The following NLRP9 variants were observed in gnomAD, a reference collection of about 807,000 sequenced individuals.
The protein encoded by NLRP9 is NACHT, LRR and PYD domains-containing protein 9.
Under a neutral mutation model 83.1 loss-of-function variants are expected in NLRP9, and 88 were observed. The ratio of observed to expected loss-of-function variants is 1.06; its 90% CI spans 0.89 to 1.26. The LOEUF is 1.26. Among genes scored for constraint, NLRP9 ranks in the 50% most tolerant of loss-of-function variants. The pLI is 0.00. For synonymous variants in NLRP9, 521 were observed against 447.6 expected (o/e 1.16, Z -2.07); for missense variants, 1,308 against 1,179.3 (o/e 1.11, Z -1.60).
chr19:55,716,577 A>G, intron 5 of NLRP9, 151 bp downstream of exon 5: 1 of 625,960 alleles, frequency 1.6e-6, no homozygotes, highest in Non-Finnish European at 2.8e-6. Flanking sequence ...TTTACTGATG[A>G]GCAACTGAGG....
intron 8 of NLRP9, 120 bp from the exon 9 acceptor site, chr19:55,709,164 A>G: frequency 1.6e-6 from 1 of 634,982 alleles, no homozygotes; most frequent in East Asian, 3.4e-5. Context: ...TCACTGGGAG[A>G]ATTGTACTGA....
chr19:55,729,383 C>G (rs1263668965), intron 3 of NLRP9, among the ~76,000 whole-genome samples: 1 of 152,050 alleles, frequency 6.6e-6, no homozygotes, highest in African/African-American at 2.4e-5. Context: ...TATCCCTTCC[C>G]TCTCCCCCCA....
intron 3 of NLRP9, among the ~76,000 whole-genome samples, chr19:55,725,711 G>A (rs1172226642): frequency 6.6e-6 from 1 of 152,126 alleles, no homozygotes; most frequent in Non-Finnish European, 1.5e-5. Context: ...CCACTAACAG[G>A]TGGAAGTGCT....
chr19:55,716,349 C>G (rs904286328), intron 5 of NLRP9, among the ~76,000 whole-genome samples: 4 of 150,650 alleles, frequency 2.7e-5, no homozygotes, highest in African/African-American at 9.8e-5. Context: ...ACCTCCACCT[C>G]CTGGGTTCAA....
At chr19:55,730,646 C>G (rs371148795) in intron 2 of NLRP9, among the ~76,000 whole-genome samples, 5 of 152,078 alleles carry the variant, frequency 3.3e-5, no homozygotes, top group African/African-American at 9.7e-5. Flanking sequence ...CCTTAGCAAA[C>G]GAATGCAGGG....
intron 5 of NLRP9, among the ~76,000 whole-genome samples, chr19:55,716,121 T>G (rs1987999290): frequency 6.6e-6 from 1 of 152,218 alleles, no homozygotes; most frequent in Admixed American, 6.6e-5. Context: ...GAGTTGATTT[T>G]AAATGTTCTC....
intron 2 of NLRP9, among the ~76,000 whole-genome samples, chr19:55,730,474 A>C (rs1988540383): frequency 6.6e-6 from 1 of 151,842 alleles, no homozygotes; most frequent in African/African-American, 2.4e-5. Flanking sequence ...AAAAAGGAGC[A>C]CTATTTACAA....
chr19:55,712,068 G>GC lies in NLRP9; in HGVS notation c.2673-99dup, dbSNP rs1237676853. The GC allele has an allele frequency of 8.1e-6, 10 of 1,230,798 alleles. No individual in the cohort carries two copies. The Admixed American group carries it at 1.4e-4, about 17-fold the overall frequency. 76.2% of individuals were successfully genotyped at this position (1,230,798 alleles called of 1,614,324 possible). ...CTAATTACACACCTCCCGGCAGGAC[G>GC]CTCTGCTGTCTAGACCCGGGCTTCT... On this transcript the variant is annotated intron_variant, in intron 7 of 8. Transcript: ENST00000332836.
At chr19:55,719,019 TGA>T (rs1293492484) in intron 4 of NLRP9, among the ~76,000 whole-genome samples, 6 of 152,152 alleles carry the variant, frequency 3.9e-5, no homozygotes, top group South Asian at 4.1e-4. Context: ...TTAAATTAGG[TGA>T]GAGTCAGATC....
chr19:55,738,285 G>C lies in NLRP9; in HGVS notation c.90C>G (p.Leu30=). ...KEEFWKFKEL[L]KQPLEKFELK... ...GTTCAAATTTCTCCAAAGGTTGTTT[G>C]AGGAGCTCCTTAAATTTCCAAAACT... Residue 30 remains leucine, a synonymous_variant, in exon 1 of 9, where the codon CTC becomes CTG. Coordinates refer to ENST00000332836, the MANE Select transcript of NLRP9 (RefSeq NM_176820.4). The C allele has an allele frequency of 6.2e-7, 1 of 1,614,066 alleles. No individual in the cohort carries two copies. The highest frequency in any genetic ancestry group is 8.5e-7 in the Non-Finnish European group (1 of 1,179,976).
chr19:55,729,585 A>G (rs1194184221), intron 3 of NLRP9, among the ~76,000 whole-genome samples: 1 of 152,016 alleles, frequency 6.6e-6, no homozygotes, highest in Non-Finnish European at 1.5e-5. Context: ...TTATGGCTGC[A>G]TAGTATTCCA....
At chr19:55,730,246 G>C (rs1988533951) in intron 2 of NLRP9, among the ~76,000 whole-genome samples, 1 of 152,156 alleles carries the variant, frequency 6.6e-6, no homozygotes, top group African/African-American at 2.4e-5. Flanking sequence ...TTGAGCTTAG[G>C]AGTTTGAGGA....
At position 55,709,063 on chromosome 19, in the gene NLRP9, AGTT is replaced by A; in HGVS notation, c.2844-22_2844-20del. On this transcript the variant is annotated intron_variant, in intron 8 of 8. Coordinates refer to ENST00000332836, the MANE Select transcript of NLRP9 (RefSeq NM_176820.4). ...GTGCAGCCTGGGAAAATAGAAATAAAGTTTTTTTTTTTGTTTTTCATTTTTACA... is the reference window on the plus strand; with the variant it reads ...GTGCAGCCTGGGAAAATAGAAATAAATTTTTTTTTGTTTTTCATTTTTACA... 1.3e-6 allele frequency: 2 copies of A among 1,547,222 alleles called. No individual in the cohort carries two copies. Among genetic ancestry groups the A allele is most frequent in the Non-Finnish European group, 1.7e-6 (2 of 1,156,058 alleles).
Position 55,733,163 on chromosome 19 carries a change from A to C in NLRP9, c.668T>G (p.Ile223Ser). ...CTCAAAGCCATCCATGATGAACAGAATTCTCTCTGGCTGGGAAAAAATGTC... is the reference window on the plus strand; with the variant it reads ...CTCAAAGCCATCCATGATGAACAGACTTCTCTCTGGCTGGGAAAAAATGTC... The part of the protein sequence containing the change: ...IEDIFSQPER[I>S]LFIMDGFEQL... The change falls in exon 2 of 9, where the codon ATT (isoleucine) becomes AGT (serine). Residue 223 changes from isoleucine to serine, a missense_variant. By Grantham distance (142) the Ile-to-Ser change is moderately radical. Coordinates refer to ENST00000332836, the MANE Select transcript of NLRP9 (RefSeq NM_176820.4). 6.2e-7 allele frequency: 1 copy of C among 1,614,132 alleles called. No homozygotes were observed. The highest frequency in any genetic ancestry group is 1.1e-5 in the South Asian group (1 of 91,062).
At chr19:55,720,762 G>A (rs1193224877) in intron 4 of NLRP9, among the ~76,000 whole-genome samples, 1 of 152,174 alleles carries the variant, frequency 6.6e-6, no homozygotes, top group East Asian at 1.9e-4. Flanking sequence ...TATTTGCAAT[G>A]CATGTATTTG....
intron 6 of NLRP9, among the ~76,000 whole-genome samples, chr19:55,713,411 CGT>C (rs1353223665): frequency 6.6e-6 from 1 of 151,712 alleles, no homozygotes; most frequent in Non-Finnish European, 1.5e-5. Context: ...TGGATAGGCA[CGT>C]GTCTACCCAC....
chr19:55,723,092 C>A (rs558674529), intron 4 of NLRP9, among the ~76,000 whole-genome samples: 2 of 152,058 alleles, frequency 1.3e-5, no homozygotes, highest in East Asian at 1.9e-4. Flanking sequence ...ACATGTATAC[C>A]TATGTAACAA....
chr19:55,708,972 C>G lies in NLRP9; in HGVS notation c.2916G>C (p.Leu972=), dbSNP rs753313511. The change falls in exon 9 of 9, where the codon CTG becomes CTC. Residue 972 remains leucine (L), a synonymous_variant. Coordinates refer to ENST00000332836, the MANE Select transcript of NLRP9 (RefSeq NM_176820.4). ...LMSVEEKIPH[L]TISHGPWIDE... ...CAATCCAAGGTCCATGTGAAATGGTCAGATGGGGAATTTTTTCTTCCACAG... is the reference window on the plus strand; with the variant it reads ...CAATCCAAGGTCCATGTGAAATGGTGAGATGGGGAATTTTTTCTTCCACAG... The G allele has an allele frequency of 5.7e-6, 9 of 1,592,360 alleles. No individual in the cohort carries two copies. Among genetic ancestry groups the G allele is most frequent in the Non-Finnish European group, 4.3e-6 (5 of 1,171,704 alleles).
At chr19:55,714,295 C>A (rs192088571) in intron 6 of NLRP9, among the ~76,000 whole-genome samples, 1 of 152,064 alleles carries the variant, frequency 6.6e-6, no homozygotes, top group East Asian at 1.9e-4. Context: ...CTCTAGCTAT[C>A]CTCTCATTAC....
Sources: allele counts gnomAD v4.1 joint callset (sites outside exome capture counted in the v4.1 genomes callset), GRCh38; gene constraint gnomAD v4.1.1; transcripts MANE v1.5; gene names NCBI Gene and HGNC (gene_info 2026-07-23, HGNC 2026-07-21).